The following SGCD variants were observed in gnomAD, a reference collection of about 807,000 sequenced individuals.
SGCD encodes delta-sarcoglycan.
In SGCD, 18 loss-of-function variants were observed where a neutral mutation model predicts 36.6. The ratio of observed to expected loss-of-function variants is 0.49; its 90% confidence interval spans 0.34 to 0.73. The LOEUF is 0.73. Ranked by LOEUF, SGCD falls within the 30% of genes least tolerant of loss-of-function variation. The pLI is 0.01. For synonymous variants in SGCD, 133 were observed against 130.6 expected, an observed-to-expected ratio of 1.02 and a Z score of -0.12; for missense variants, 387 against 346.7, an observed-to-expected ratio of 1.12 and a Z score of -0.92.
chr5:156,044,498 A>C (rs1005182854), intron 1 of SGCD, among the ~76,000 whole-genome samples: 4 of 152,198 alleles, frequency 2.6e-5, no homozygotes, highest in African/African-American at 7.2e-5. Context: ...AATCTTGCCA[A>C]TAGGCAAGTG....
chr5:156,666,933 T>A (rs1344440265), intron 7 of SGCD, among the ~76,000 whole-genome samples: 1 of 152,044 alleles, frequency 6.6e-6, no homozygotes, highest in Non-Finnish European at 1.5e-5. Flanking sequence ...GGTGACAGAG[T>A]GACTTTGTCT....
At chr5:156,653,046 C>A (rs1170902903) in intron 7 of SGCD, among the ~76,000 whole-genome samples, 1 of 151,946 alleles carries the variant, frequency 6.6e-6, no homozygotes, top group Non-Finnish European at 1.5e-5. Context: ...GGATATTAAC[C>A]TGCAGATTTC....
the SGCD span, among the ~76,000 whole-genome samples, chr5:155,802,540 AT>A: frequency 1.8e-4 from 28 of 152,324 alleles, no homozygotes; most frequent in African/African-American, 6.5e-4. Flanking sequence ...GAATGAAAAA[AT>A]GTCTTGGAAA....
chr5:156,756,256 A>G (rs925360508), intron 7 of SGCD, among the ~76,000 whole-genome samples: 6 of 152,196 alleles, frequency 3.9e-5, no homozygotes, highest in Non-Finnish European at 5.9e-5. Flanking sequence ...TGGTAATAGT[A>G]TTAAAATCAA....
intron 3 of SGCD, among the ~76,000 whole-genome samples, chr5:156,215,018 A>G (rs1764537839): frequency 6.6e-6 from 1 of 152,082 alleles, no homozygotes; most frequent in Non-Finnish European, 1.5e-5. Context: ...TCCCAAATCC[A>G]AAATCTGAAA....
At chr5:156,624,254 A>G (rs1762359777) in intron 6 of SGCD, among the ~76,000 whole-genome samples, 1 of 152,140 alleles carries the variant, frequency 6.6e-6, no homozygotes, top group Non-Finnish European at 1.5e-5. Flanking sequence ...CCCCACTTCA[A>G]TAACTTTGAT....
intron 6 of SGCD, 59 bp downstream of exon 6, chr5:156,595,110 AG>A (rs1760876213): frequency 6.5e-7 from 1 of 1,544,204 alleles, no homozygotes; most frequent in East Asian, 2.3e-5. Flanking sequence ...TTAGAGGAGA[AG>A]CAAAATGGTG....
chr5:155,728,393 C>G, the SGCD span, among the ~76,000 whole-genome samples: 1 of 152,226 alleles, frequency 6.6e-6, no homozygotes, highest in Non-Finnish European at 1.5e-5. Flanking sequence ...CGCTCAGCCT[C>G]TGGTCCCAGG....
At chr5:156,393,956 A>C in intron 3 of SGCD, 1 of 388,546 alleles carries the variant, frequency 2.6e-6, no homozygotes, top group Non-Finnish European at 5.2e-6. Flanking sequence ...TCCCTGAAAA[A>C]GGCCACATTC....
At chr5:156,060,354 A>AG (rs112774930) in intron 1 of SGCD, among the ~76,000 whole-genome samples, 10,424 of 146,154 alleles carry the variant, frequency 0.071, 1,648 homozygotes, top group African/African-American at 0.23. Flanking sequence ...GTTGAACACT[A>AG]CAAGATTTCC....
intron 3 of SGCD, among the ~76,000 whole-genome samples, chr5:156,355,730 A>C (rs1045977265): frequency 2.6e-5 from 4 of 152,204 alleles, no homozygotes; most frequent in African/African-American, 9.6e-5. Context: ...TCCGCCTCCC[A>C]GGTTCAAGCG....
At chr5:155,845,082 T>C in the SGCD span, among the ~76,000 whole-genome samples, 1 of 152,152 alleles carries the variant, frequency 6.6e-6, no homozygotes, top group East Asian at 1.9e-4. Context: ...TGTGTCCATG[T>C]GTTCCCATTG....
chr5:156,262,745 C>T (rs553576317), intron 3 of SGCD, among the ~76,000 whole-genome samples: 2 of 152,186 alleles, frequency 1.3e-5, no homozygotes, highest in South Asian at 4.1e-4. Context: ...GCCTTTGCAT[C>T]CTCATAGCTT....
At chr5:156,133,835 G>A (rs946807722) in intron 3 of SGCD, among the ~76,000 whole-genome samples, 3 of 151,300 alleles carry the variant, frequency 2.0e-5, no homozygotes, top group African/African-American at 7.3e-5. Context: ...TTTACCCAAG[G>A]TCTTTGAAAC....
intron 3 of SGCD, among the ~76,000 whole-genome samples, chr5:156,439,743 G>T (rs932298441): frequency 6.6e-6 from 1 of 152,122 alleles, no homozygotes; most frequent in Non-Finnish European, 1.5e-5. Context: ...GAAAAGCAAT[G>T]CATAGGAACA....
At chr5:156,068,191 A>G (rs1158993975) in intron 1 of SGCD, among the ~76,000 whole-genome samples, 1 of 151,666 alleles carries the variant, frequency 6.6e-6, no homozygotes, top group African/African-American at 2.4e-5. Flanking sequence ...TTACATATGT[A>G]TACATGTGCC....
chr5:156,317,540 A>G (rs1236868728), intron 3 of SGCD, among the ~76,000 whole-genome samples: 1 of 152,204 alleles, frequency 6.6e-6, no homozygotes, highest in Non-Finnish European at 1.5e-5. Flanking sequence ...CTTCAGGTTA[A>G]TGGTGTTAAA....
chr5:156,113,318 AT>A (rs537735951), intron 1 of SGCD, among the ~76,000 whole-genome samples: 75 of 152,176 alleles, frequency 4.9e-4, no homozygotes, highest in African/African-American at 1.8e-3. Flanking sequence ...TGGAGGGAAG[AT>A]TTTTTTCCTT....
intron 1 of SGCD, among the ~76,000 whole-genome samples, chr5:155,954,747 A>G (rs1757615842): frequency 6.6e-6 from 1 of 152,108 alleles, no homozygotes; most frequent in African/African-American, 2.4e-5. Flanking sequence ...GAGAAAGAGA[A>G]CTAACAGGAT....
Sources: gnomAD v4.1 joint callset for allele counts (sites outside exome capture counted in the v4.1 genomes callset) on GRCh38, gnomAD v4.1.1 for gene constraint, MANE v1.5 for transcripts, NCBI Gene and HGNC (gene_info 2026-07-23, HGNC 2026-07-21) for gene names.